The following FSTL5 variants were observed in gnomAD, a reference collection of about 807,000 sequenced individuals.
The protein encoded by FSTL5 is follistatin like 5.
In FSTL5, 62 loss-of-function variants were observed where a neutral mutation model predicts 89.1. The observed-to-expected ratio is 0.70, with a 90% confidence interval of 0.57 to 0.86. The LOEUF is 0.86. Ranked by LOEUF, FSTL5 falls within the 40% of genes least tolerant of loss-of-function variation. The pLI is 0.00. For missense variants in FSTL5, 1,057 were observed against 1,001.6 expected, an observed-to-expected ratio of 1.06 and a Z score of -0.75; for synonymous variants, 383 against 346.2, an observed-to-expected ratio of 1.11 and a Z score of -1.18.
At chr4:161,676,195 T>C (rs890899483) in intron 6 of FSTL5, among the ~76,000 whole-genome samples, 28 of 152,096 alleles carry the variant, frequency 1.8e-4, no homozygotes, top group African/African-American at 6.8e-4. Context: ...TACCAAACAT[T>C]ACCAATCCAA....
intron 1 of FSTL5, among the ~76,000 whole-genome samples, chr4:162,119,498 A>C (rs1380811740): frequency 6.6e-6 from 1 of 152,194 alleles, no homozygotes; most frequent in African/African-American, 2.4e-5. Context: ...AAACATGGTA[A>C]TTTTTTCAGT....
chr4:161,447,459 A>C (rs964381133), intron 15 of FSTL5, among the ~76,000 whole-genome samples: 1 of 152,068 alleles, frequency 6.6e-6, no homozygotes, highest in Non-Finnish European at 1.5e-5. Flanking sequence ...CTTTGGACAC[A>C]AGACTCCTTT....
At chr4:162,031,261 A>C (rs2111190595) in intron 3 of FSTL5, among the ~76,000 whole-genome samples, 1 of 152,310 alleles carries the variant, frequency 6.6e-6, no homozygotes, top group East Asian at 1.9e-4. Context: ...CATACTCCTG[A>C]CAATGTAATA....
At chr4:161,763,993 T>C (rs1740901117) in intron 5 of FSTL5, among the ~76,000 whole-genome samples, 1 of 152,066 alleles carries the variant, frequency 6.6e-6, no homozygotes. Flanking sequence ...TCTTTCCTTT[T>C]CCTTATTTTC....
At chr4:161,868,556 T>A (rs1361628210) in intron 4 of FSTL5, among the ~76,000 whole-genome samples, 1 of 152,222 alleles carries the variant, frequency 6.6e-6, no homozygotes, top group Non-Finnish European at 1.5e-5. Context: ...GTCAGAGTTA[T>A]CTTTCTCACA....
In FSTL5 at chr4:161,383,937, T is replaced by G. The variant is rs1176686323; in HGVS notation, c.*1810A>C. The G allele has an allele frequency of 6.6e-6, 1 of 152,164 alleles. No individual in the cohort carries two copies. The highest frequency in any genetic ancestry group is 1.5e-5 in the Non-Finnish European group (1 of 68,032). The allele number at this position is 152,164 out of a possible 1,614,324, so 9.4% of individuals were successfully genotyped here. A position where few individuals can be genotyped will look rare whatever the true frequency, so the allele number is the denominator to read the frequency against. ...TTTATTCTCCTTTTATCAAGCAGTG[T>G]CTACAGACAGAGCATCCACATGGTG... On this transcript the variant is annotated 3_prime_UTR_variant, in exon 16 of 16. Coordinates refer to ENST00000306100, the MANE Select transcript of FSTL5 (RefSeq NM_020116.5).
chr4:161,534,927 C>T (rs765115979), intron 10 of FSTL5, among the ~76,000 whole-genome samples: 2 of 151,976 alleles, frequency 1.3e-5, no homozygotes, highest in East Asian at 1.9e-4. Flanking sequence ...CATACACTTA[C>T]AACCATCTTA....
chr4:161,983,368 T>A (rs755708838), intron 3 of FSTL5, among the ~76,000 whole-genome samples: 41 of 152,180 alleles, frequency 2.7e-4, no homozygotes, highest in Non-Finnish European at 5.0e-4. Flanking sequence ...ATTCTTCCCT[T>A]CCTAGCTTTT....
chr4:161,705,081 A>G (rs1738525609), intron 6 of FSTL5, among the ~76,000 whole-genome samples: 1 of 151,994 alleles, frequency 6.6e-6, no homozygotes, highest in Admixed American at 6.6e-5. Flanking sequence ...AAAATATTGC[A>G]TTTTGTTCTA....
At chr4:161,585,297 C>T (rs1297604814) in intron 8 of FSTL5, among the ~76,000 whole-genome samples, 3 of 152,114 alleles carry the variant, frequency 2.0e-5, no homozygotes, top group Non-Finnish European at 1.5e-5. Flanking sequence ...GAAGAGCAGC[C>T]GTTTAGAATA....
At chr4:161,790,793 G>T (rs946492318) in intron 4 of FSTL5, among the ~76,000 whole-genome samples, 2 of 152,162 alleles carry the variant, frequency 1.3e-5, no homozygotes, top group Admixed American at 1.3e-4. Flanking sequence ...GCCCACTTAT[G>T]AAGGTGCTCT....
intron 6 of FSTL5, among the ~76,000 whole-genome samples, chr4:161,693,493 A>G (rs1738024209): frequency 6.6e-6 from 1 of 152,080 alleles, no homozygotes; most frequent in African/African-American, 2.4e-5. Context: ...CTGACTCAAT[A>G]TATTTTCTTG....
chr4:161,446,250 A>C (rs1319062186), intron 15 of FSTL5, among the ~76,000 whole-genome samples: 1 of 152,066 alleles, frequency 6.6e-6, no homozygotes, highest in Non-Finnish European at 1.5e-5. Flanking sequence ...TTTTATGGTC[A>C]AACAAAATAA....
At chr4:162,031,224 C>T (rs1368566051) in intron 3 of FSTL5, among the ~76,000 whole-genome samples, 1 of 152,082 alleles carries the variant, frequency 6.6e-6, no homozygotes, top group East Asian at 1.9e-4. Flanking sequence ...GAAATAGGCA[C>T]AGAATGCAGA....
At chr4:161,517,820 A>G (rs899621747) in intron 10 of FSTL5, among the ~76,000 whole-genome samples, 3 of 152,188 alleles carry the variant, frequency 2.0e-5, no homozygotes, top group Non-Finnish European at 4.4e-5. Context: ...TTATATAATG[A>G]TAACATTTAA....
chr4:161,482,495 T>C (rs1028964356), intron 12 of FSTL5, among the ~76,000 whole-genome samples: 2 of 152,226 alleles, frequency 1.3e-5, no homozygotes, highest in African/African-American at 4.8e-5. Context: ...TTCTAATCTA[T>C]ATAAAACCAT....
intron 4 of FSTL5, among the ~76,000 whole-genome samples, chr4:161,857,048 T>C (rs1285874104): frequency 6.6e-6 from 1 of 152,118 alleles, no homozygotes; most frequent in African/African-American, 2.4e-5. Context: ...AAGCTTGGAA[T>C]TTACTCTAAG....
chr4:161,454,963 G>A, intron 15 of FSTL5, 41 bp downstream of exon 15: 2 of 1,575,878 alleles, frequency 1.3e-6, no homozygotes, highest in Non-Finnish European at 1.7e-6. Context: ...TTATAATAGA[G>A]ACAAATCTTT....
At chr4:161,534,434 A>G (rs533643477) in intron 10 of FSTL5, among the ~76,000 whole-genome samples, 2 of 152,112 alleles carry the variant, frequency 1.3e-5, no homozygotes, top group African/African-American at 2.4e-5. Context: ...TACCAATTCC[A>G]TTGTAGTTGA....
Sources: gnomAD v4.1 joint callset for allele counts (sites outside exome capture counted in the v4.1 genomes callset) on GRCh38, gnomAD v4.1.1 for gene constraint, MANE v1.5 for transcripts, NCBI Gene and HGNC (gene_info 2026-07-23, HGNC 2026-07-21) for gene names.